TENM3: variants seen among roughly 807,000 people sequenced by gnomAD.
TENM3 encodes teneurin-3.
Under a neutral mutation model 255.1 loss-of-function variants are expected in TENM3, and 63 were observed. That is an observed-to-expected ratio of 0.25 (90% CI 0.20 to 0.30). The LOEUF is 0.30. TENM3 is among the 10% of genes least tolerant of loss of function. The pLI is 1.00. For missense variants in TENM3, 2,929 were observed against 3,461.1 expected (o/e 0.85, Z 3.86); for synonymous variants, 1,306 against 1,322.3 (o/e 0.99, Z 0.27).
chr4:181,622,831 A>G, the TENM3 span, among the ~76,000 whole-genome samples: 41 of 152,162 alleles, frequency 2.7e-4, no homozygotes, highest in East Asian at 7.6e-3. Flanking sequence ...GTACTTTCCA[A>G]TTTTTATTGA....
At chr4:182,125,876 T>G in the TENM3 span, among the ~76,000 whole-genome samples, 1 of 151,818 alleles carries the variant, frequency 6.6e-6, no homozygotes. Flanking sequence ...AAATTGCTGG[T>G]AGCAAAATAT....
chr4:182,451,062 C>G (rs1357248952), intron 3 of TENM3, among the ~76,000 whole-genome samples: 1 of 152,116 alleles, frequency 6.6e-6, no homozygotes, highest in African/African-American at 2.4e-5. Context: ...TGCATTTTAC[C>G]TTGTTTTCTT....
At chr4:181,576,781 C>G in the TENM3 span, among the ~76,000 whole-genome samples, 7 of 149,786 alleles carry the variant, frequency 4.7e-5, no homozygotes, top group African/African-American at 1.5e-4. Flanking sequence ...CTTTTCCTTT[C>G]CGGATTTTTC....
chr4:182,795,495 C>A (rs2309772), intron 26 of TENM3, among the ~76,000 whole-genome samples: 11,725 of 152,222 alleles, frequency 0.077, 598 homozygotes, highest in Admixed American at 0.11. Flanking sequence ...ACCACTACTA[C>A]CACCCCATTT....
At chr4:181,504,550 C>CTCCT in the TENM3 span, among the ~76,000 whole-genome samples, 1 of 152,166 alleles carries the variant, frequency 6.6e-6, no homozygotes, top group Admixed American at 6.5e-5. Flanking sequence ...CATCCTCTTC[C>CTCCT]TCCTTTCCCA....
intron 6 of TENM3, among the ~76,000 whole-genome samples, chr4:182,662,806 C>T (rs924926459): frequency 1.6e-4 from 24 of 152,200 alleles, no homozygotes; most frequent in African/African-American, 5.8e-4. Context: ...CAATGGCCCA[C>T]TGACTTCCAG....
intron 3 of TENM3, among the ~76,000 whole-genome samples, chr4:182,600,702 A>G (rs1490584272): frequency 6.6e-6 from 1 of 152,070 alleles, no homozygotes; most frequent in Non-Finnish European, 1.5e-5. Context: ...TCTGTTGTGT[A>G]TTAATTAGAA....
rs1172500944 is a variant in TENM3, at chr4:182,777,509, T to TTGTGTGTG, written c.5304+2357_5304+2358insGTGTGTGT. ...TTCTCTCTGTCTATACATAATGTGT[T>TTGTGTGTG]TATGTGTGTGTGTGTGTGTGTGTGT... On this transcript the variant is annotated intron_variant, in intron 24 of 27. Coordinates refer to ENST00000511685, the MANE Select transcript of TENM3 (RefSeq NM_001080477.4). Among the ~76,000 whole-genome samples, 6 of 120,112 alleles carry TTGTGTGTG rather than the reference T, an allele frequency of 5.0e-5. No homozygotes were observed. The East Asian group carries it at 8.3e-4, about 17-fold the overall frequency. The allele number at this position is 120,112 out of a possible 152,430, so 78.8% of individuals were successfully genotyped here. A position where few individuals can be genotyped will look rare whatever the true frequency, so the allele number is the denominator to read the frequency against.
At chr4:182,183,189 CATTTT>C (rs1752945290) in intron 1 of TENM3, among the ~76,000 whole-genome samples, 1 of 152,034 alleles carries the variant, frequency 6.6e-6, no homozygotes, top group African/African-American at 2.4e-5. Context: ...ATTAGAACAG[CATTTT>C]ATTTTATTTT....
the TENM3 span, among the ~76,000 whole-genome samples, chr4:181,536,113 A>G: frequency 6.6e-6 from 1 of 152,214 alleles, no homozygotes; most frequent in Non-Finnish European, 1.5e-5. Context: ...ACTGAATCCC[A>G]TATGCTTAGC....
At chr4:181,467,490 T>G in the TENM3 span, among the ~76,000 whole-genome samples, 1 of 152,008 alleles carries the variant, frequency 6.6e-6, no homozygotes, top group Middle Eastern at 3.2e-3. Context: ...ACAAGCATAT[T>G]ATGACAGATA....
At chr4:181,943,088 A>T in the TENM3 span, among the ~76,000 whole-genome samples, 1 of 152,194 alleles carries the variant, frequency 6.6e-6, no homozygotes, top group African/African-American at 2.4e-5. Context: ...CTTGTGTTTT[A>T]TGTCTACAAA....
chr4:182,627,503 T>C (rs549272075), intron 4 of TENM3, among the ~76,000 whole-genome samples: 29 of 152,234 alleles, frequency 1.9e-4, no homozygotes, highest in African/African-American at 7.0e-4. Flanking sequence ...CTATGTCTTA[T>C]CTAAAATGAC....
At chr4:181,825,275 C>T in the TENM3 span, among the ~76,000 whole-genome samples, 1 of 151,936 alleles carries the variant, frequency 6.6e-6, no homozygotes, top group Non-Finnish European at 1.5e-5. Flanking sequence ...TTGGCGTGAG[C>T]CTGTACTCCC....
At chr4:181,924,870 G>A in the TENM3 span, among the ~76,000 whole-genome samples, 1 of 152,180 alleles carries the variant, frequency 6.6e-6, no homozygotes, top group Non-Finnish European at 1.5e-5. Context: ...ATGTCAAGGA[G>A]TTACCTCAAC....
intron 1 of TENM3, among the ~76,000 whole-genome samples, chr4:182,211,866 C>A (rs1755064574): frequency 6.6e-6 from 1 of 152,148 alleles, no homozygotes; most frequent in Non-Finnish European, 1.5e-5. Flanking sequence ...CCTTGCAGGG[C>A]CTCAATTTAT....
At chr4:182,697,140 G>A (rs1327540940) in intron 12 of TENM3, among the ~76,000 whole-genome samples, 2 of 152,148 alleles carry the variant, frequency 1.3e-5, no homozygotes, top group African/African-American at 2.4e-5. Flanking sequence ...GTTGCTGGTC[G>A]TTGGACTGAA....
chr4:182,680,353 T>G lies in TENM3; in HGVS notation c.1639+4T>G. On this transcript the variant is annotated splice_donor_region_variant and intron_variant, in intron 9 of 27. Transcript: ENST00000511685. ...CTGGGTCCGGATTGTTCAAGAGGTATGCAAGTTAGATTCTTCTCTTAAGCC... is the reference window on the plus strand; with the variant it reads ...CTGGGTCCGGATTGTTCAAGAGGTAGGCAAGTTAGATTCTTCTCTTAAGCC... The G allele has an allele frequency of 6.2e-7, 1 of 1,603,520 alleles. No individual in the cohort carries two copies. Among genetic ancestry groups the G allele is most frequent in the Non-Finnish European group, 8.5e-7 (1 of 1,172,336 alleles).
chr4:181,952,193 G>C, the TENM3 span, among the ~76,000 whole-genome samples: 1 of 152,150 alleles, frequency 6.6e-6, no homozygotes, highest in East Asian at 1.9e-4. Flanking sequence ...CTTTCTTTTG[G>C]AAGCAAATCA....
Sources: allele counts gnomAD v4.1 joint callset (sites outside exome capture counted in the v4.1 genomes callset), GRCh38; gene constraint gnomAD v4.1.1; transcripts MANE v1.5; gene names NCBI Gene and HGNC (gene_info 2026-07-23, HGNC 2026-07-21).